Variants in MARCHF1 observed in about 807,000 individuals in gnomAD.
The protein encoded by MARCHF1 is membrane associated ring-CH-type finger 1, also known as E3 ubiquitin-protein ligase MARCHF1.
In MARCHF1, 40 loss-of-function variants were observed where a neutral mutation model predicts 54.2. That is an observed-to-expected ratio of 0.74 (90% CI 0.57 to 0.96). The LOEUF (loss-of-function observed/expected upper bound fraction) is 0.96. MARCHF1 is among the 40% of genes least tolerant of loss of function. The probability of loss-of-function intolerance (pLI) is 0.00; values close to 1 mark genes in which losing one functional copy is unlikely to be tolerated. For missense variants in MARCHF1, 586 were observed against 656.5 expected (o/e 0.89, Z 1.17); for synonymous variants, 236 against 236.3 (o/e 1.00, Z 0.01).
intron 3 of MARCHF1, among the ~76,000 whole-genome samples, chr4:163,873,034 A>T (rs1278624574): frequency 6.7e-6 from 1 of 149,794 alleles, no homozygotes; most frequent in South Asian, 2.2e-4. Context: ...ACAGAGCGAG[A>T]CTCCGTCTCA....
chr4:164,332,387 AG>A (rs1209840493), intron 1 of MARCHF1, among the ~76,000 whole-genome samples: 1 of 152,232 alleles, frequency 6.6e-6, no homozygotes, highest in African/African-American at 2.4e-5. Flanking sequence ...AACATTAATT[AG>A]TATGAGTTGC....
chr4:164,094,114 G>C (rs188442889), intron 2 of MARCHF1, among the ~76,000 whole-genome samples: 4 of 152,096 alleles, frequency 2.6e-5, no homozygotes, highest in African/African-American at 9.7e-5. Flanking sequence ...GTTTGGGTCT[G>C]TCTTCTGTCT....
intron 2 of MARCHF1, among the ~76,000 whole-genome samples, chr4:164,072,652 T>C (rs1579510922): frequency 6.7e-6 from 1 of 150,326 alleles, no homozygotes; most frequent in Non-Finnish European, 1.5e-5. Context: ...TTTAAAACAT[T>C]ATCCCCTTTT....
chr4:163,979,625 TAC>T (rs1752720928), intron 3 of MARCHF1, among the ~76,000 whole-genome samples: 1 of 151,790 alleles, frequency 6.6e-6, no homozygotes, highest in Non-Finnish European at 1.5e-5. Context: ...TGAACTAGTT[TAC>T]AGTCCCACCA....
chr4:164,041,726 A>C (rs973945109), intron 2 of MARCHF1, among the ~76,000 whole-genome samples: 3 of 152,174 alleles, frequency 2.0e-5, no homozygotes, highest in African/African-American at 7.2e-5. Flanking sequence ...AGATATGACC[A>C]ATCAGAAACT....
At chr4:164,050,134 G>A (rs1006519883) in intron 2 of MARCHF1, among the ~76,000 whole-genome samples, 9 of 151,808 alleles carry the variant, frequency 5.9e-5, no homozygotes, top group African/African-American at 1.7e-4. Context: ...AATTAGCCCG[G>A]TGTCATGGTG....
At chr4:164,030,761 C>G (rs1193725695) in intron 2 of MARCHF1, among the ~76,000 whole-genome samples, 2 of 152,088 alleles carry the variant, frequency 1.3e-5, no homozygotes. Flanking sequence ...GCATAAATAA[C>G]TTCAACATAA....
chr4:164,071,692 GATCT>G (rs1327169918), intron 2 of MARCHF1, among the ~76,000 whole-genome samples: 7 of 151,936 alleles, frequency 4.6e-5, no homozygotes, highest in Non-Finnish European at 1.0e-4. Flanking sequence ...CTTTTTATAA[GATCT>G]ATCTTTAGGT....
chr4:164,021,247 G>C (rs35516254), intron 2 of MARCHF1, among the ~76,000 whole-genome samples: 69,569 of 151,858 alleles, frequency 0.46, 17,517 homozygotes, highest in Non-Finnish European at 0.56. Context: ...CTAGCCAGTG[G>C]CTACTTTCCT....
At chr4:164,142,734 G>C (rs996222258) in intron 1 of MARCHF1, among the ~76,000 whole-genome samples, 2 of 152,194 alleles carry the variant, frequency 1.3e-5, no homozygotes, top group African/African-American at 4.8e-5. Context: ...AAACACAGCA[G>C]AAAAACTGGA....
intron 7 of MARCHF1, among the ~76,000 whole-genome samples, chr4:163,591,459 C>T (rs10019913): frequency 0.011 from 1,641 of 152,152 alleles, 22 homozygotes; most frequent in African/African-American, 0.037. Context: ...TGTTTGTTAA[C>T]TGTTTCATTT....
chr4:164,341,743 C>A (rs531271994), intron 1 of MARCHF1, among the ~76,000 whole-genome samples: 72 of 152,250 alleles, frequency 4.7e-4, no homozygotes, highest in Non-Finnish European at 7.9e-4. Context: ...TCCTTTAAGG[C>A]CCACATCCTA....
At chr4:164,147,122 A>G (rs1295539054) in intron 1 of MARCHF1, among the ~76,000 whole-genome samples, 1 of 152,198 alleles carries the variant, frequency 6.6e-6, no homozygotes, top group Non-Finnish European at 1.5e-5. Context: ...AACCACTATG[A>G]GATACCATCT....
intron 1 of MARCHF1, among the ~76,000 whole-genome samples, chr4:164,177,588 T>C (rs567298815): frequency 6.6e-6 from 1 of 152,194 alleles, no homozygotes; most frequent in Non-Finnish European, 1.5e-5. Context: ...GGTTTTTTAA[T>C]GGAGAATGCA....
At chr4:163,790,293 G>T (rs535947162) in intron 4 of MARCHF1, among the ~76,000 whole-genome samples, 1 of 151,934 alleles carries the variant, frequency 6.6e-6, no homozygotes, top group Non-Finnish European at 1.5e-5. Flanking sequence ...TGTTATTTAC[G>T]AAATCAAATG....
chr4:163,592,007 A>C (rs1740607261), intron 7 of MARCHF1, among the ~76,000 whole-genome samples: 1 of 152,184 alleles, frequency 6.6e-6, no homozygotes, highest in African/African-American at 2.4e-5. Flanking sequence ...GGAGACAGCA[A>C]GCAATTTTGG....
intron 3 of MARCHF1, among the ~76,000 whole-genome samples, chr4:163,877,567 A>G (rs1335142076): frequency 6.6e-6 from 1 of 150,870 alleles, no homozygotes; most frequent in Non-Finnish European, 1.5e-5. Context: ...TTATCACCCT[A>G]ATCTCTTTAC....
At chr4:163,723,090 T>G in intron 4 of MARCHF1, among the ~76,000 whole-genome samples, 1 of 152,218 alleles carries the variant, frequency 6.6e-6, no homozygotes, top group Non-Finnish European at 1.5e-5. Flanking sequence ...GTTATTTTGC[T>G]CGTTAGTTGA....
intron 1 of MARCHF1, among the ~76,000 whole-genome samples, chr4:164,207,929 T>A (rs1731656972): frequency 6.6e-6 from 1 of 152,070 alleles, no homozygotes; most frequent in South Asian, 2.1e-4. Context: ...GGCACAAGTT[T>A]ACCTATGTAA....
Sources: gnomAD v4.1 joint callset for allele counts (sites outside exome capture counted in the v4.1 genomes callset) on GRCh38, gnomAD v4.1.1 for gene constraint, MANE v1.5 for transcripts, NCBI Gene and HGNC (gene_info 2026-07-23, HGNC 2026-07-21) for gene names.